KCNQ1OT1: variants seen among roughly 807,000 people sequenced by gnomAD.
KCNQ1OT1 encodes the protein KCNQ1 antisense RNA 2 (non-protein coding).
exon 1 of KCNQ1OT1, chr11:2,699,653 G>A (rs1490998498): frequency 2.8e-5 from 10 of 358,254 alleles, no homozygotes; most frequent in Admixed American, 4.7e-5. Context: ...CAACCGCGCC[G>A]AAGAACCCCC....
At position 2,682,747 on chromosome 11, in the gene KCNQ1OT1, A is replaced by G; in HGVS notation, n.17248T>C. 1 of 398,678 alleles carries G rather than the reference A, an allele frequency of 2.5e-6. No individual in the cohort carries two copies. The highest frequency in any genetic ancestry group is 4.4e-6 in the Non-Finnish European group (1 of 226,092). The allele number at this position is 398,678 out of a possible 1,614,324, so 24.7% of individuals were successfully genotyped here. On this transcript the variant is annotated non_coding_transcript_exon_variant, in exon 1 of 1. Coordinates refer to ENST00000597346, the Ensembl canonical transcript of KCNQ1OT1. This position sits in a 1 kb window ranked among gnomAD's most constrained non-coding sequence, Gnocchi z 5.8. ...GAATCTCTTCCCCTTGAGCCCACTC[A>G]TCTCTGTTGACATTCTAGAAATGCA...
At chr11:2,696,331 G>C (rs1476821770) in exon 1 of KCNQ1OT1, 1 of 398,426 alleles carries the variant, frequency 2.5e-6, no homozygotes, top group Non-Finnish European at 4.4e-6. Context: ...CCATTTTAGG[G>C]CTGGCTTTCC....
rs1045036039 is a variant in KCNQ1OT1, at chr11:2,608,355, C to T, written n.91640G>A. On this transcript the variant is annotated non_coding_transcript_exon_variant, in exon 1 of 1. Transcript: ENST00000597346. The surrounding 1 kb of genome is among the most constrained non-coding windows in gnomAD (Gnocchi z 4.6). The stretch of plus-strand genomic sequence containing the variant: ...GTCAGTTTTCATAGTTTTCATCTTT[C>T]TAGGAATTTGTCAATTTCATCTAAG... The T allele has an allele frequency of 1.0e-5, 4 of 398,398 alleles. No homozygotes were observed. The highest frequency in any genetic ancestry group is 1.8e-5 in the Non-Finnish European group (4 of 226,042). The allele number at this position is 398,398 out of a possible 1,614,324, so 24.7% of individuals were successfully genotyped here.
chr11:2,646,110 A>AT (rs1428323190), exon 1 of KCNQ1OT1: 2 of 398,426 alleles, frequency 5.0e-6, no homozygotes, highest in Non-Finnish European at 8.8e-6. Context: ...TATCCCTTGC[A>AT]TTGGGTTTTT....
In KCNQ1OT1 at chr11:2,670,033, C is replaced by A. The variant is rs991861403; in HGVS notation, n.29962G>T. 2 of 398,444 alleles carry A rather than the reference C, an allele frequency of 5.0e-6. No homozygotes were observed. The highest frequency in any genetic ancestry group is 4.4e-5 in the Admixed American group (1 of 22,706). The allele number at this position is 398,444 out of a possible 1,614,324, so 24.7% of individuals were successfully genotyped here. On this transcript the variant is annotated non_coding_transcript_exon_variant, in exon 1 of 1. Coordinates refer to ENST00000597346, the Ensembl canonical transcript of KCNQ1OT1. The surrounding 1 kb of genome is among the most constrained non-coding windows in gnomAD (Gnocchi z 4.9). ...TGTTGGGGTCCCGTGGAGGTACAGG[C>A]GGAAACCTAGCACTCACTATTCTGC...
Position 2,658,715 on chromosome 11 carries a change from A to C in KCNQ1OT1, n.41280T>G, listed in dbSNP as rs1156244920. 2.5e-6 allele frequency: 1 copy of C among 398,470 alleles called. No individual in the cohort carries two copies. The allele number at this position is 398,470 out of a possible 1,614,324, so 24.7% of individuals were successfully genotyped here. On this transcript the variant is annotated non_coding_transcript_exon_variant, in exon 1 of 1. Transcript: ENST00000597346. The surrounding 1 kb of genome is among the most constrained non-coding windows in gnomAD (Gnocchi z 4.9). Reference sequence around the variant, plus strand: ...ATATGTATGTATGTAACCTGAGTACACATACATCTTTACATATCTGTATCT... The same window carrying C: ...ATATGTATGTATGTAACCTGAGTACCCATACATCTTTACATATCTGTATCT...
chr11:2,694,068 C>T, exon 1 of KCNQ1OT1: 2 of 398,692 alleles, frequency 5.0e-6, no homozygotes, highest in South Asian at 1.3e-4. Flanking sequence ...GCAGCTGACA[C>T]GTAGTTCCAA....
chr11:2,649,125 A>G (rs1849718227), exon 1 of KCNQ1OT1: 2 of 396,672 alleles, frequency 5.0e-6, no homozygotes, highest in Non-Finnish European at 8.9e-6. Flanking sequence ...TCAGTTTCTT[A>G]TAGGCAGCAT....
At position 2,679,537 on chromosome 11, in the gene KCNQ1OT1, C is replaced by T; in HGVS notation, n.20458G>A. 7.5e-6 allele frequency: 3 copies of T among 398,574 alleles called. No homozygotes were observed. The highest frequency in any genetic ancestry group is 1.3e-5 in the Non-Finnish European group (3 of 226,074). 24.7% of individuals were successfully genotyped at this position (398,574 alleles called of 1,614,324 possible). On this transcript the variant is annotated non_coding_transcript_exon_variant, in exon 1 of 1. Transcript: ENST00000597346. This position sits in a 1 kb window ranked among gnomAD's most constrained non-coding sequence, Gnocchi z 4.8. ...ATGTATTGCTATACCTCATGATGGC[C>T]ATTCCATCCATTGTAATCATGTGTA...
At chr11:2,632,220 T>TTG (rs1849369822) in exon 1 of KCNQ1OT1, 1 of 398,232 alleles carries the variant, frequency 2.5e-6, no homozygotes, top group Non-Finnish European at 4.4e-6. Context: ...CAACTGAATT[T>TTG]TGTGTACTGA....
exon 1 of KCNQ1OT1, chr11:2,619,005 A>G (rs942155672): frequency 1.0e-5 from 4 of 398,260 alleles, no homozygotes; most frequent in African/African-American, 8.2e-5. Context: ...AAATGCAACT[A>G]CTGTTTTATA....
chr11:2,610,310 T>C (rs1461106518), exon 1 of KCNQ1OT1: 1 of 398,036 alleles, frequency 2.5e-6, no homozygotes, highest in Non-Finnish European at 4.4e-6. Context: ...GTGGTATTGT[T>C]ACATATATTA....
At chr11:2,629,500 T>C (rs1849317462) in exon 1 of KCNQ1OT1, 1 of 398,366 alleles carries the variant, frequency 2.5e-6, no homozygotes, top group South Asian at 1.3e-4. Context: ...TTGAGTTAAT[T>C]TTTGTATATG....
Position 2,661,535 on chromosome 11 carries a change from C to T in KCNQ1OT1, n.38460G>A, listed in dbSNP as rs1324908855. ...GGTCCTATCACCCCATCTTTCCTGACCCACTACTCTGTCAATGTATGAGTG... is the reference window on the plus strand; with the variant it reads ...GGTCCTATCACCCCATCTTTCCTGATCCACTACTCTGTCAATGTATGAGTG... On this transcript the variant is annotated non_coding_transcript_exon_variant, in exon 1 of 1. Transcript: ENST00000597346. This position sits in a 1 kb window ranked among gnomAD's most constrained non-coding sequence, Gnocchi z 5.9. 9 of 495,796 alleles carry T rather than the reference C, an allele frequency of 1.8e-5. No individual in the cohort carries two copies. Among genetic ancestry groups the T allele is most frequent in the Non-Finnish European group, 3.2e-5 (9 of 282,094 alleles). The allele number at this position is 495,796 out of a possible 1,614,324, so 30.7% of individuals were successfully genotyped here. A position where few individuals can be genotyped will look rare whatever the true frequency, so the allele number is the denominator to read the frequency against.
Position 2,676,700 on chromosome 11 carries a change from G to T in KCNQ1OT1, n.23295C>A. On this transcript the variant is annotated non_coding_transcript_exon_variant, in exon 1 of 1. Coordinates refer to ENST00000597346, the Ensembl canonical transcript of KCNQ1OT1. The surrounding 1 kb of genome is among the most constrained non-coding windows in gnomAD (Gnocchi z 4.2). ...GGGAGCACTAACTGGACTACAGCCT[G>T]GCAGGAGATAACCAAGTCATATGCA... 1 of 398,646 alleles carries T rather than the reference G, an allele frequency of 2.5e-6. No individual in the cohort carries two copies. 24.7% of individuals were successfully genotyped at this position (398,646 alleles called of 1,614,324 possible). A position where few individuals can be genotyped will look rare whatever the true frequency, so the allele number is the denominator to read the frequency against.
Position 2,669,394 on chromosome 11 carries a change from A to G in KCNQ1OT1, n.30601T>C. The G allele has an allele frequency of 2.5e-6, 1 of 398,656 alleles. No homozygotes were observed. Among genetic ancestry groups the G allele is most frequent in the Non-Finnish European group, 4.4e-6 (1 of 226,074 alleles). 24.7% of individuals were successfully genotyped at this position (398,656 alleles called of 1,614,324 possible). A position where few individuals can be genotyped will look rare whatever the true frequency, so the allele number is the denominator to read the frequency against. On this transcript the variant is annotated non_coding_transcript_exon_variant, in exon 1 of 1. Transcript: ENST00000597346. The surrounding 1 kb of genome is among the most constrained non-coding windows in gnomAD (Gnocchi z 5.6). ...CTTATAGTTTTGGGGCTCCTGAAAC[A>G]TGGCATCATGTGTCCCTTGTTTATT...
In KCNQ1OT1 at chr11:2,687,005, G is replaced by T; in HGVS notation, n.12990C>A. 1 of 398,648 alleles carries T rather than the reference G, an allele frequency of 2.5e-6. No individual in the cohort carries two copies. Among genetic ancestry groups the T allele is most frequent in the Non-Finnish European group, 4.4e-6 (1 of 226,072 alleles). The allele number at this position is 398,648 out of a possible 1,614,324, so 24.7% of individuals were successfully genotyped here. ...ACACTGGGCCCTGACTTGCTAAGAT[G>T]GGAGCAAGAGCTTAGGGCTAAAACT... is the stretch of plus-strand genomic sequence containing the variant. On this transcript the variant is annotated non_coding_transcript_exon_variant, in exon 1 of 1. Coordinates refer to ENST00000597346, the Ensembl canonical transcript of KCNQ1OT1. The surrounding 1 kb of genome is among the most constrained non-coding windows in gnomAD (Gnocchi z 5.0).
chr11:2,618,448 A>T (rs1015943127), exon 1 of KCNQ1OT1: 4 of 398,594 alleles, frequency 1.0e-5, no homozygotes, highest in African/African-American at 8.2e-5. Flanking sequence ...AACGTCATTT[A>T]TGAGAGAGAC....
exon 1 of KCNQ1OT1, chr11:2,655,285 C>T (rs1353836649): frequency 2.5e-6 from 1 of 398,504 alleles, no homozygotes; most frequent in Admixed American, 4.4e-5. Flanking sequence ...TTGTTTTGTT[C>T]TGCCCTGAAA....
Sources: gnomAD v4.1 joint callset for allele counts on GRCh38, gnomAD v4.1.1 for gene constraint, Gnocchi (gnomAD v3.1) non-coding constraint, MANE v1.5 for transcripts, NCBI Gene and HGNC (gene_info 2026-07-23, HGNC 2026-07-21) for gene names.